Variants in SMARCB1 observed in about 807,000 individuals in gnomAD.
SMARCB1 encodes SWI/SNF related BAF chromatin remodeling complex subunit B1, also known as SWI/SNF-related matrix-associated actin-dependent regulator of chromatin subfamily B member 1.
In SMARCB1, 5 loss-of-function variants were observed where a neutral mutation model predicts 49.0. The ratio of observed to expected loss-of-function variants is 0.10; its 90% CI spans 0.05 to 0.21. The LOEUF (loss-of-function observed/expected upper bound fraction) is 0.21. Among genes scored for constraint, SMARCB1 ranks in the 10% least tolerant of loss-of-function variants. The probability of loss-of-function intolerance (pLI) is 1.00; values close to 1 mark genes in which losing one functional copy is unlikely to be tolerated. For synonymous variants in SMARCB1, 201 were observed against 200.1 expected (o/e 1.00, Z -0.04); for missense variants, 226 against 509.2 (o/e 0.44, Z 5.35).
intron 5 of SMARCB1, among the ~76,000 whole-genome samples, chr22:23,805,012 T>TA (rs1236958444): frequency 3.9e-5 from 6 of 152,220 alleles, no homozygotes; most frequent in African/African-American, 1.4e-4. Context: ...TGGTTGTTGA[T>TA]ATGTGGCTGC....
Position 23,835,027 on chromosome 22 carries a change from T to C in SMARCB1, c.*847T>C, listed in dbSNP as rs891634585. The stretch of plus-strand genomic sequence containing the variant: ...AGCTCCAGTGGCACCCATAGCCAGG[T>C]CAGCTGGGGCCCTTTCCCACCCCAG... On this transcript the variant is annotated 3_prime_UTR_variant, in exon 9 of 9. Transcript: ENST00000644036. 2.1e-6 allele frequency: 3 copies of C among 1,421,404 alleles called. No individual in the cohort carries two copies. Among genetic ancestry groups the C allele is most frequent in the South Asian group, 3.0e-5 (2 of 66,306 alleles). 88.0% of individuals were successfully genotyped at this position (1,421,404 alleles called of 1,614,324 possible).
At chr22:23,792,594 G>A (rs373293932) in intron 2 of SMARCB1, 1 of 167,138 alleles carries the variant, frequency 6.0e-6, no homozygotes, top group East Asian at 1.6e-4. Flanking sequence ...GTAGAGAGCT[G>A]CCCTGGGCCT....
At chr22:23,798,006 A>G (rs983583426) in intron 3 of SMARCB1, among the ~76,000 whole-genome samples, 6 of 152,132 alleles carry the variant, frequency 3.9e-5, no homozygotes, top group Non-Finnish European at 5.9e-5. Context: ...TGACACTTGC[A>G]TTGTCCACTT....
intron 6 of SMARCB1, among the ~76,000 whole-genome samples, chr22:23,820,603 C>T (rs2030034051): frequency 6.6e-6 from 1 of 152,106 alleles, no homozygotes; most frequent in Non-Finnish European, 1.5e-5. Flanking sequence ...TAGAATTCAC[C>T]AATGAAGCCA....
At chr22:23,810,543 A>AAG (rs1929807615) in intron 5 of SMARCB1, among the ~76,000 whole-genome samples, 2 of 150,912 alleles carry the variant, frequency 1.3e-5, no homozygotes, top group Admixed American at 6.6e-5. Flanking sequence ...AAAAAAAAAA[A>AAG]AAAAGAAAGA....
At chr22:23,833,365 A>C (rs1055776132) in intron 7 of SMARCB1, among the ~76,000 whole-genome samples, 1 of 152,206 alleles carries the variant, frequency 6.6e-6, no homozygotes, top group African/African-American at 2.4e-5. Context: ...TTTGAAGGGA[A>C]GCCCATGGGG....
At chr22:23,792,363 C>T (rs1316320454) in intron 2 of SMARCB1, 2 of 316,424 alleles carry the variant, frequency 6.3e-6, no homozygotes, top group East Asian at 1.6e-4. Flanking sequence ...AGCCCATGTG[C>T]ATGTCCCTGC....
At chr22:23,831,312 A>T (rs2030645538) in intron 7 of SMARCB1, among the ~76,000 whole-genome samples, 1 of 152,252 alleles carries the variant, frequency 6.6e-6, no homozygotes, top group Non-Finnish European at 1.5e-5. Context: ...AGTAAACCTC[A>T]AGATACTCGA....
Position 23,838,001 on chromosome 22 carries a change from TC to T in SMARCB1, c.*3823del. On this transcript the variant is annotated 3_prime_UTR_variant, in exon 9 of 9. Transcript: ENST00000644036. ...AGCCAGTCCAATAAAGGCGACACAC[TC>T]CACGGGCTTCAGGTCCCACGAAATC... The T allele has an allele frequency of 8.0e-7, 1 of 1,245,246 alleles. No homozygotes were observed. Among genetic ancestry groups the T allele is most frequent in the Non-Finnish European group, 1.1e-6 (1 of 919,442 alleles). 77.1% of individuals were successfully genotyped at this position (1,245,246 alleles called of 1,614,324 possible).
chr22:23,787,384 C>T lies in SMARCB1; in HGVS notation c.93+122C>T, dbSNP rs1601383151. 5 of 487,786 alleles carry T rather than the reference C, an allele frequency of 1.0e-5. No homozygotes were observed. In the East Asian group the frequency reaches 1.5e-4, roughly 15 times the overall value. 30.2% of individuals were successfully genotyped at this position (487,786 alleles called of 1,614,324 possible). On this transcript the variant is annotated intron_variant, in intron 1 of 8. Coordinates refer to ENST00000644036, the MANE Select transcript of SMARCB1 (RefSeq NM_003073.5). ...GCGGGCGGGCGCGCGCGCGCGCGCT[C>T]GGGGCTGTGGGGCGTGGCCTAGTGG...
chr22:23,832,592 C>G (rs935016715), intron 7 of SMARCB1, among the ~76,000 whole-genome samples: 1 of 152,158 alleles, frequency 6.6e-6, no homozygotes, highest in Non-Finnish European at 1.5e-5. Flanking sequence ...CAGGCTGAGG[C>G]CTTCTGCCAA....
Position 23,834,156 on chromosome 22 carries a change from TG to T in SMARCB1, c.1135del (p.Ala379ProfsTer104). ...CCTCTTCCAGGCGGATGAGGCGTCT[TG>T]CCAACACGGCCCCGGCCTGGTAACC... Reference protein sequence around the residue: ...DRNTRRMRRLANTAPAW With the variant: ...DRNTRRMRRLXNTAPAW On this transcript the variant is annotated frameshift_variant, in exon 9 of 9. Coordinates refer to ENST00000644036, the MANE Select transcript of SMARCB1 (RefSeq NM_003073.5). LOFTEE classifies it high-confidence loss of function. The T allele has an allele frequency of 6.3e-7, 1 of 1,594,688 alleles. No individual in the cohort carries two copies. The highest frequency in any genetic ancestry group is 8.5e-7 in the Non-Finnish European group (1 of 1,170,998).
chr22:23,812,568 A>G (rs1236226052), intron 5 of SMARCB1, among the ~76,000 whole-genome samples: 2 of 152,216 alleles, frequency 1.3e-5, no homozygotes, highest in African/African-American at 4.8e-5. Context: ...AAAGATGCAA[A>G]ATCCTTAGCA....
chr22:23,835,565 G>A lies in SMARCB1; in HGVS notation c.*1385G>A, dbSNP rs2030980515. On this transcript the variant is annotated 3_prime_UTR_variant, in exon 9 of 9. Coordinates refer to ENST00000644036, the MANE Select transcript of SMARCB1 (RefSeq NM_003073.5). ...ACTCTTCCCAGGGAGTTTGCACTCA[G>A]GGCCTCTGCCCTCCATCAAAGAGTG... 3 of 985,404 alleles carry A rather than the reference G, an allele frequency of 3.0e-6. No homozygotes were observed. The highest frequency in any genetic ancestry group is 3.6e-6 in the Non-Finnish European group (3 of 829,978). The allele number at this position is 985,404 out of a possible 1,614,324, so 61.0% of individuals were successfully genotyped here. A position where few individuals can be genotyped will look rare whatever the true frequency, so the allele number is the denominator to read the frequency against.
intron 6 of SMARCB1, among the ~76,000 whole-genome samples, chr22:23,821,982 C>A (rs868653979): frequency 4.7e-4 from 72 of 152,326 alleles, no homozygotes; most frequent in African/African-American, 1.5e-3. Context: ...GGATTACAGA[C>A]ATGAACCACT....
rs574563954 is a variant in SMARCB1 at position 23,835,876 on chromosome 22, G to A, written c.*1696G>A. 224 of 985,472 alleles carry A rather than the reference G, an allele frequency of 2.3e-4. No homozygotes were observed. The South Asian group carries it at 6.7e-3, about 30-fold the overall frequency. The allele number at this position is 985,472 out of a possible 1,614,324, so 61.0% of individuals were successfully genotyped here. A position where few individuals can be genotyped will look rare whatever the true frequency, so the allele number is the denominator to read the frequency against. On this transcript the variant is annotated 3_prime_UTR_variant, in exon 9 of 9. Coordinates refer to ENST00000644036, the MANE Select transcript of SMARCB1 (RefSeq NM_003073.5). ...GAAGGCTGGGCCCTCACTCCTGACC[G>A]CCAGCTCACACCGCCGCAAAGCCAT... is the stretch of plus-strand genomic sequence containing the variant.
At chr22:23,827,526 T>C (rs921114630) in intron 7 of SMARCB1, among the ~76,000 whole-genome samples, 2 of 152,180 alleles carry the variant, frequency 1.3e-5, no homozygotes, top group Non-Finnish European at 2.9e-5. Flanking sequence ...CTTAGTGCAT[T>C]CCAGTTGCAG....
intron 3 of SMARCB1, among the ~76,000 whole-genome samples, chr22:23,798,086 A>C (rs1928892446): frequency 6.6e-6 from 1 of 150,460 alleles, no homozygotes; most frequent in Non-Finnish European, 1.5e-5. Context: ...GCAGGGGCTC[A>C]GCCCAGGCTC....
intron 6 of SMARCB1, among the ~76,000 whole-genome samples, chr22:23,821,733 C>T (rs942887317): frequency 6.6e-6 from 1 of 151,956 alleles, no homozygotes; most frequent in African/African-American, 2.4e-5. Flanking sequence ...TTCCTGTAAT[C>T]CCAGCTACTC....
Sources: gnomAD v4.1 joint callset for allele counts (sites outside exome capture counted in the v4.1 genomes callset) on GRCh38, gnomAD v4.1.1 for gene constraint, MANE v1.5 for transcripts, NCBI Gene and HGNC (gene_info 2026-07-23, HGNC 2026-07-21) for gene names.